Variants in PCCB observed in about 807,000 individuals in gnomAD.
PCCB encodes propionyl-CoA carboxylase beta chain, mitochondrial.
In PCCB, 43 loss-of-function variants were observed where a neutral mutation model predicts 60.7. That is an observed-to-expected ratio of 0.71 (90% CI 0.55 to 0.91). PCCB has a LOEUF of 0.91. Ranked by LOEUF, PCCB falls within the 40% of genes least tolerant of loss-of-function variation. The pLI is 0.00. For missense variants in PCCB, 766 were observed against 702.8 expected (o/e 1.09, Z -1.02); for synonymous variants, 276 against 255.9 (o/e 1.08, Z -0.75).
At chr3:136,302,483 C>T (rs1444614107) in intron 9 of PCCB, among the ~76,000 whole-genome samples, 1 of 120,322 alleles carries the variant, frequency 8.3e-6, no homozygotes, top group African/African-American at 2.5e-5. Context: ...AGTTTTATAT[C>T]CTGCTACCTA....
chr3:136,268,104 A>G (rs750758676), intron 5 of PCCB, among the ~76,000 whole-genome samples: 1,913 of 124,434 alleles, frequency 0.015, 45 homozygotes, highest in Middle Eastern at 0.038. Context: ...ATATATATAT[A>G]TATATATATA....
At chr3:136,292,085 T>G (rs1933719781) in intron 6 of PCCB, among the ~76,000 whole-genome samples, 1 of 152,194 alleles carries the variant, frequency 6.6e-6, no homozygotes, top group Non-Finnish European at 1.5e-5. Flanking sequence ...TTGGGGTGCT[T>G]TGTTCTGCAA....
chr3:136,271,049 T>C (rs1576414814), intron 5 of PCCB, among the ~76,000 whole-genome samples: 1 of 152,218 alleles, frequency 6.6e-6, no homozygotes, highest in African/African-American at 2.4e-5. Flanking sequence ...GGTGCATAGT[T>C]TGCAAATATT....
intron 5 of PCCB, among the ~76,000 whole-genome samples, chr3:136,279,675 A>ATTT (rs780567066): frequency 7.9e-5 from 12 of 151,706 alleles, no homozygotes; most frequent in African/African-American, 2.9e-4. Context: ...TTATTTATTT[A>ATTT]TTTATTTTTT....
intron 10 of PCCB, among the ~76,000 whole-genome samples, chr3:136,325,461 T>A (rs570629987): frequency 2.6e-5 from 4 of 152,202 alleles, no homozygotes; most frequent in Non-Finnish European, 5.9e-5. Context: ...GTTCAAGTGA[T>A]TCTCCTTCCT....
At chr3:136,263,240 A>G (rs1300014) in intron 5 of PCCB, among the ~76,000 whole-genome samples, 1 of 144,286 alleles carries the variant, frequency 6.9e-6, no homozygotes, top group Non-Finnish European at 1.5e-5. Context: ...GGTGTGAGCC[A>G]CCGCGCCCAG....
chr3:136,326,678 G>A (rs150569206), intron 10 of PCCB, 125 bp from the exon 11 acceptor site: 8 of 769,084 alleles, frequency 1.0e-5, no homozygotes, highest in African/African-American at 5.1e-5. Context: ...TTACCATTCT[G>A]CAACAAAGAA....
intron 4 of PCCB, among the ~76,000 whole-genome samples, chr3:136,260,815 G>A (rs904446340): frequency 6.6e-5 from 10 of 152,176 alleles, no homozygotes; most frequent in Non-Finnish European, 1.0e-4. Context: ...TAGAATATAC[G>A]TGCTCCCTTG....
At chr3:136,285,768 T>C (rs1410440695) in intron 6 of PCCB, among the ~76,000 whole-genome samples, 4 of 152,252 alleles carry the variant, frequency 2.6e-5, no homozygotes, top group Admixed American at 2.0e-4. Flanking sequence ...GCTTTCTCTT[T>C]TAATTCTGTG....
intron 1 of PCCB, among the ~76,000 whole-genome samples, chr3:136,253,352 G>A (rs1186231147): frequency 6.6e-6 from 1 of 151,920 alleles, no homozygotes; most frequent in African/African-American, 2.4e-5. Flanking sequence ...GCCTCCCAAA[G>A]TGTTGGGATT....
chr3:136,324,581 C>T (rs754852368), intron 10 of PCCB, among the ~76,000 whole-genome samples: 2 of 152,148 alleles, frequency 1.3e-5, no homozygotes, highest in Non-Finnish European at 2.9e-5. Flanking sequence ...GCACTAATTT[C>T]CTAAAGACAC....
At chr3:136,281,100 G>A (rs544084320) in intron 5 of PCCB, among the ~76,000 whole-genome samples, 6 of 152,052 alleles carry the variant, frequency 3.9e-5, no homozygotes, top group East Asian at 1.9e-4. Context: ...ATATGTCTCC[G>A]TGTAGATCTC....
chr3:136,314,678 A>AAAAAC (rs149121062), intron 9 of PCCB, among the ~76,000 whole-genome samples: 1 of 150,980 alleles, frequency 6.6e-6, no homozygotes, highest in African/African-American at 2.4e-5. Flanking sequence ...ACAAAAACAA[A>AAAAAC]AAAACAAAAC....
chr3:136,256,287 G>C, intron 2 of PCCB: 2 of 571,362 alleles, frequency 3.5e-6, no homozygotes, highest in Non-Finnish European at 6.2e-6. Flanking sequence ...ATAGAGAAGT[G>C]GTGGCCCTGG....
At chr3:136,257,099 C>T (rs1941691016) in intron 3 of PCCB, among the ~76,000 whole-genome samples, 1 of 152,224 alleles carries the variant, frequency 6.6e-6, no homozygotes, top group South Asian at 2.1e-4. Flanking sequence ...CACACATAGC[C>T]AAAGCTATCA....
intron 10 of PCCB, among the ~76,000 whole-genome samples, chr3:136,321,070 G>C (rs922394543): frequency 6.6e-6 from 1 of 152,158 alleles, no homozygotes; most frequent in African/African-American, 2.4e-5. Flanking sequence ...TGTCAATTGA[G>C]ATGATCATGT....
rs766905618 is a variant in PCCB at position 136,304,987 on chromosome 3, A to G, written c.966+3876A>G. ...TTACAGGCATGAGCCACGGGCGCCA[A>G]CCCAGCTTTTCCAATTTTTAAAAGA... is the stretch of plus-strand genomic sequence containing the variant. On this transcript the variant is annotated intron_variant, in intron 9 of 14. Transcript: ENST00000251654. Among the ~76,000 whole-genome samples, 18 of 120,662 alleles carry G rather than the reference A, an allele frequency of 1.5e-4. 6 individuals carry two copies. Among genetic ancestry groups the G allele is most frequent in the Admixed American group, 9.9e-4 (10 of 10,110 alleles). The allele number at this position is 120,662 out of a possible 152,430, so 79.2% of individuals were successfully genotyped here.
intron 1 of PCCB, among the ~76,000 whole-genome samples, chr3:136,253,395 T>C (rs1401846186): frequency 2.0e-4 from 30 of 151,718 alleles, no homozygotes; most frequent in Admixed American, 2.0e-3. Flanking sequence ...GGCCTCTTTT[T>C]TTTTCTTAAG....
intron 3 of PCCB, among the ~76,000 whole-genome samples, chr3:136,257,259 T>A (rs1002126691): frequency 6.6e-5 from 10 of 152,014 alleles, no homozygotes; most frequent in African/African-American, 2.4e-4. Context: ...CTTATAAGGA[T>A]GTGATATGAG....
Sources: gnomAD v4.1 joint callset for allele counts (sites outside exome capture counted in the v4.1 genomes callset) on GRCh38, gnomAD v4.1.1 for gene constraint, MANE v1.5 for transcripts, NCBI Gene and HGNC (gene_info 2026-07-23, HGNC 2026-07-21) for gene names.